The following SYT12 variants were observed in gnomAD, a reference collection of about 807,000 sequenced individuals.
The protein encoded by SYT12 is synaptotagmin-12.
SYT12 carries 27 observed loss-of-function variants against 39.5 expected under a neutral mutation model. The ratio of observed to expected loss-of-function variants is 0.68; its 90% confidence interval spans 0.50 to 0.94. The LOEUF is 0.94. Among genes scored for constraint, SYT12 ranks in the 40% least tolerant of loss-of-function variants. SYT12 has a pLI of 0.00. For synonymous variants in SYT12, 233 were observed against 239.7 expected (o/e 0.97, Z 0.26); for missense variants, 536 against 572.6 (o/e 0.94, Z 0.65).
intron 3 of SYT12, 142 bp from the exon 4 acceptor site, chr11:67,039,669 C>G (rs748147475): frequency 5.9e-6 from 6 of 1,025,130 alleles, no homozygotes; most frequent in Non-Finnish European, 8.4e-6. Context: ...AGCGACCTTC[C>G]TAGCTAAGGG....
In SYT12 at chr11:67,038,873, G is replaced by C. The variant is rs546544940; in HGVS notation, c.229-938G>C. The stretch of plus-strand genomic sequence containing the variant: ...GTGGTGGCAGGCGCCTGTAGTCCCA[G>C]CTACTTGGGAGGCTGAGGCAGGAGA... On this transcript the variant is annotated intron_variant, in intron 3 of 7. Coordinates refer to ENST00000527043, the MANE Select transcript of SYT12 (RefSeq NM_177963.4). Among the ~76,000 whole-genome samples, 3 of 152,122 alleles carry C rather than the reference G, an allele frequency of 2.0e-5. No homozygotes were observed. The East Asian group carries it at 5.8e-4, about 29-fold the overall frequency.
At chr11:67,043,488 G>A (rs1164615215) in intron 4 of SYT12, 150 bp from the exon 5 acceptor site, 79 of 744,172 alleles carry the variant, frequency 1.1e-4, no homozygotes, top group Non-Finnish European at 1.6e-4. Context: ...AACCTTCAAG[G>A]CTGAGCCACC....
intron 3 of SYT12, among the ~76,000 whole-genome samples, chr11:67,018,123 C>T (rs913180091): frequency 1.7e-4 from 25 of 151,228 alleles, no homozygotes; most frequent in South Asian, 4.2e-4. Flanking sequence ...ATTAGCCAGG[C>T]GTGGTGGCAT....
chr11:67,019,341 G>A (rs1376199983), upstream of SYT12, among the ~76,000 whole-genome samples: 6 of 151,940 alleles, frequency 3.9e-5, no homozygotes, highest in African/African-American at 9.7e-5. Context: ...GCGTGTTGGC[G>A]CATGCCTGTA....
chr11:67,036,679 T>A (rs1950387012), intron 3 of SYT12, among the ~76,000 whole-genome samples: 1 of 152,154 alleles, frequency 6.6e-6, no homozygotes, highest in Admixed American at 6.5e-5. Context: ...CTCACGCCCG[T>A]AATCCCAGCA....
chr11:67,013,013 A>G (rs1253441), intron 3 of SYT12, among the ~76,000 whole-genome samples: 128,709 of 152,058 alleles, frequency 0.85, 54,619 homozygotes, highest in South Asian at 0.9. Context: ...CCTGAGTTCC[A>G]GATCTCCAGG....
At position 67,043,771 on chromosome 11, in the gene SYT12, G is replaced by C; in HGVS notation, c.755G>C (p.Gly252Ala). 1 of 1,614,152 alleles carries C rather than the reference G, an allele frequency of 6.2e-7. No individual in the cohort carries two copies. The highest frequency in any genetic ancestry group is 8.5e-7 in the Non-Finnish European group (1 of 1,180,048). ...IDEDERNVST[G>A]VVELKLSVLD... The stretch of plus-strand genomic sequence containing the variant: ...GAGGATGAGCGCAACGTCAGCACGG[G>C]GGTGGTGGAGCTGAAGCTTTCTGTG... Residue 252 changes from glycine (G) to alanine (A), a missense_variant, in exon 5 of 8, where the codon GGG becomes GCG. Gly to Ala is a moderately conservative substitution (Grantham distance 60). Transcript: ENST00000527043.
chr11:67,034,746 G>A lies in SYT12; in HGVS notation c.136G>A (p.Gly46Arg), dbSNP rs778166830. Residue 46 changes from glycine to arginine, a missense_variant, in exon 3 of 8, where the codon GGG (glycine) becomes AGG (arginine). Coordinates refer to ENST00000527043, the MANE Select transcript of SYT12 (RefSeq NM_177963.4). ...GAGCCTGTGGAAGCTCTGGACGTCG[G>A]GGAGCTTCCCCAGCCCCTCTCCGTT... ...AVSLWKLWTSGSFPSPSPFPN... is the reference protein window; with the variant it reads ...AVSLWKLWTSRSFPSPSPFPN... The A allele has an allele frequency of 3.1e-6, 5 of 1,603,434 alleles. No individual in the cohort carries two copies. The highest frequency in any genetic ancestry group is 4.3e-6 in the Non-Finnish European group (5 of 1,176,124).
chr11:67,044,646 C>G lies in SYT12; in HGVS notation c.891C>G (p.Ala297=), dbSNP rs202228241. 16 of 1,613,438 alleles carry G rather than the reference C, an allele frequency of 9.9e-6. No homozygotes were observed. Among genetic ancestry groups the G allele is most frequent in the Non-Finnish European group, 1.3e-5 (15 of 1,180,006 alleles). ...ILLSLSYLPT[A]ERLTVVVVKA... Reference sequence around the variant, plus strand: ...TCTCCCTCAGCTACCTCCCCACAGCCGAGCGCCTCACCGTGGTCGTGGTTA... The same window carrying G: ...TCTCCCTCAGCTACCTCCCCACAGCGGAGCGCCTCACCGTGGTCGTGGTTA... The change falls in exon 6 of 8, where the codon GCC becomes GCG. Residue 297 remains alanine, a synonymous_variant. Coordinates refer to ENST00000527043, the MANE Select transcript of SYT12 (RefSeq NM_177963.4).
intron 3 of SYT12, 113 bp from the exon 4 acceptor site, chr11:67,039,698 A>G: frequency 7.5e-7 from 1 of 1,327,704 alleles, no homozygotes; most frequent in Non-Finnish European, 1.0e-6. Flanking sequence ...CTTCTGTGAA[A>G]GGGGAACTTG....
At chr11:67,025,639 G>C (rs1950171320) in intron 1 of SYT12, among the ~76,000 whole-genome samples, 1 of 152,198 alleles carries the variant, frequency 6.6e-6, no homozygotes, top group Non-Finnish European at 1.5e-5. Flanking sequence ...GGTGGTCCCA[G>C]GTGAGACAGA....
rs370540234 is a variant in SYT12 at position 67,043,680 on chromosome 11, T to A, written c.664T>A (p.Ser222Thr). 2.5e-6 allele frequency: 4 copies of A among 1,614,008 alleles called. No individual in the cohort carries two copies. The African/African-American group carries it at 5.3e-5, about 22-fold the overall frequency. The change falls in exon 5 of 8, where the codon TCC becomes ACC. Residue 222 changes from serine to threonine, a missense_variant. Ser to Thr is a moderately conservative substitution (Grantham distance 58, BLOSUM62 1). Coordinates refer to ENST00000527043, the MANE Select transcript of SYT12 (RefSeq NM_177963.4). ...CTCCATCTTCTTTGATGAGAAGTTCTCCATCCCCCTGGATCCCACAGCCCT... is the reference window on the plus strand; with the variant it reads ...CTCCATCTTCTTTGATGAGAAGTTCACCATCCCCCTGGATCCCACAGCCCT... The part of the protein sequence containing the change: ...AYSIFFDEKF[S>T]IPLDPTALEE...
rs191334594 is a variant in SYT12, at chr11:67,012,746, C to T, written c.-69+1752C>T. Among the ~76,000 whole-genome samples, 295 of 152,178 alleles carry T rather than the reference C, an allele frequency of 1.9e-3. 3 individuals carry two copies. Among genetic ancestry groups the T allele is most frequent in the Admixed American group, 0.017 (261 of 15,278 alleles). On this transcript the variant is annotated intron_variant, in intron 3 of 10. Transcript: ENST00000393946. ...GTCTCACTCATCTAGGAGGTTGGCA[C>T]GGTTATTAACTACATTTTGCAGTTG...
rs1263454911 is a variant in SYT12, at chr11:67,050,670, TC to T, written c.*1920del. 1 of 152,160 alleles carries T rather than the reference TC, an allele frequency of 6.6e-6. No homozygotes were observed. Among genetic ancestry groups the T allele is most frequent in the East Asian group, 1.9e-4 (1 of 5,152 alleles). 9.4% of individuals were successfully genotyped at this position (152,160 alleles called of 1,614,324 possible). On this transcript the variant is annotated 3_prime_UTR_variant, in exon 8 of 8. Transcript: ENST00000527043. ...TGGCTGTGCGGTGCAGGCCACTGAC[TC>T]CCCCCCTGCCCTCTCCCCTCTCTCC...
At chr11:67,035,684 C>G (rs1414215324) in intron 3 of SYT12, among the ~76,000 whole-genome samples, 1 of 151,666 alleles carries the variant, frequency 6.6e-6, no homozygotes, top group Non-Finnish European at 1.5e-5. Flanking sequence ...GTCTCGATCT[C>G]CTGACCTCGT....
chr11:67,042,235 G>A (rs1950525880), intron 4 of SYT12, among the ~76,000 whole-genome samples: 1 of 152,190 alleles, frequency 6.6e-6, no homozygotes, highest in Admixed American at 6.5e-5. Context: ...GAAGAGATGG[G>A]TTAATGTATG....
chr11:67,016,292 T>C (rs1348400239), intron 3 of SYT12, among the ~76,000 whole-genome samples: 5 of 151,500 alleles, frequency 3.3e-5, no homozygotes, highest in African/African-American at 7.3e-5. Flanking sequence ...ATTAAGAAAA[T>C]AAATAAATAA....
intron 3 of SYT12, among the ~76,000 whole-genome samples, chr11:67,014,903 A>T (rs527912556): frequency 6.6e-6 from 1 of 151,844 alleles, no homozygotes; most frequent in Non-Finnish European, 1.5e-5. Flanking sequence ...TGCCTTGGGT[A>T]TATGCAGGGT....
chr11:67,039,418 T>C (rs1432945953), intron 3 of SYT12, among the ~76,000 whole-genome samples: 3 of 150,962 alleles, frequency 2.0e-5, no homozygotes, highest in Non-Finnish European at 4.4e-5. Flanking sequence ...AGTTCGAGAC[T>C]AGCCTGACCA....
Sources: allele counts gnomAD v4.1 joint callset (sites outside exome capture counted in the v4.1 genomes callset), GRCh38; gene constraint gnomAD v4.1.1; transcripts MANE v1.5; gene names NCBI Gene and HGNC (gene_info 2026-07-23, HGNC 2026-07-21).